The following RADIL variants were observed in gnomAD, a reference collection of about 807,000 sequenced individuals.
RADIL encodes the protein ras-associating and dilute domain-containing protein.
In RADIL, 99 loss-of-function variants were observed where a neutral mutation model predicts 97.6. That is an observed-to-expected ratio of 1.01 (90% CI 0.86 to 1.20). The LOEUF is 1.20. Among genes scored for constraint, RADIL ranks in the 50% most tolerant of loss-of-function variants. The pLI is 0.00. For synonymous variants in RADIL, 803 were observed against 691.8 expected (o/e 1.16, Z -2.52); for missense variants, 1,765 against 1,498.9 (o/e 1.18, Z -2.93).
intron 10 of RADIL, among the ~76,000 whole-genome samples, chr7:4,804,870 C>A (rs1175785868): frequency 1.3e-5 from 2 of 151,110 alleles, no homozygotes; most frequent in Non-Finnish European, 2.9e-5. Flanking sequence ...CTGAGGTGGG[C>A]GAATCACCTA....
At position 4,819,342 on chromosome 7, in the gene RADIL, G is replaced by A. The variant is rs1046527617; in HGVS notation, c.1616-1991C>T. On this transcript the variant is annotated intron_variant, in intron 6 of 14. Coordinates refer to ENST00000399583, the MANE Select transcript of RADIL (RefSeq NM_018059.5). The surrounding 1 kb of genome is among the most constrained non-coding windows in gnomAD (Gnocchi z 5.8). ...CTGCCTCGGCCTCCCAAAGTGCGGG[G>A]AGGACAGGTGTGAGCCCAGCCCTGA... Among the ~76,000 whole-genome samples the A allele has an allele frequency of 2.6e-5, 4 of 152,082 alleles. No individual in the cohort carries two copies. The highest frequency in any genetic ancestry group is 9.7e-5 in the African/African-American group (4 of 41,414).
At position 4,878,162 on chromosome 7, in the gene RADIL, A is replaced by G. The variant is rs1474185208; in HGVS notation, c.-23T>C. The G allele has an allele frequency of 6.6e-7, 1 of 1,507,904 alleles. No homozygotes were observed. The allele number at this position is 1,507,904 out of a possible 1,614,324, so 93.4% of individuals were successfully genotyped here. ...CATGGTGGGTGAGGCTTCATGGATG[A>G]GGACTGTGGGCTTCAGCCAAAGGAT... is the stretch of plus-strand genomic sequence containing the variant. On this transcript the variant is annotated 5_prime_UTR_variant, in exon 2 of 15. Transcript: ENST00000399583. The surrounding 1 kb of genome is among the most constrained non-coding windows in gnomAD (Gnocchi z 4.1).
chr7:4,861,521 T>C, intron 2 of RADIL: 1 of 1,614,066 alleles, frequency 6.2e-7, no homozygotes, highest in Non-Finnish European at 8.5e-7. Flanking sequence ...CGTAAAAATC[T>C]TTCCTCCAAC....
In RADIL at chr7:4,842,933, G is replaced by A. The variant is rs1301694319; in HGVS notation, c.536-6328C>T. Among the ~76,000 whole-genome samples, 2 of 151,692 alleles carry A rather than the reference G, an allele frequency of 1.3e-5. No homozygotes were observed. Among genetic ancestry groups the A allele is most frequent in the East Asian group, 1.9e-4 (1 of 5,178 alleles). ...GGTCACCATAATACCCTGCAGCCTC[G>A]AAATTCTGGCCTCAGGGCCTCAGAA... On this transcript the variant is annotated intron_variant, in intron 2 of 14. Coordinates refer to ENST00000399583, the MANE Select transcript of RADIL (RefSeq NM_018059.5). The surrounding 1 kb of genome is among the most constrained non-coding windows in gnomAD (Gnocchi z 4.5).
chr7:4,870,898 C>G (rs1159990292), intron 2 of RADIL, among the ~76,000 whole-genome samples: 1 of 152,178 alleles, frequency 6.6e-6, no homozygotes, highest in Non-Finnish European at 1.5e-5. Flanking sequence ...GGGACTCACT[C>G]AGCTCAGGGG....
In RADIL at chr7:4,837,809, G is replaced by T. The variant is rs145420264; in HGVS notation, c.536-1204C>A. 2.0e-6 allele frequency: 2 copies of T among 983,634 alleles called. No homozygotes were observed. The highest frequency in any genetic ancestry group is 2.4e-6 in the Non-Finnish European group (2 of 828,482). 60.9% of individuals were successfully genotyped at this position (983,634 alleles called of 1,614,324 possible). A position where few individuals can be genotyped will look rare whatever the true frequency, so the allele number is the denominator to read the frequency against. ...TGCTCTGGGAAAGCCAGCCGGCTGC[G>T]ATAGATGAAAACCGCTCACCAGTCC... On this transcript the variant is annotated intron_variant, in intron 2 of 14. Transcript: ENST00000399583. This position sits in a 1 kb window ranked among gnomAD's most constrained non-coding sequence, Gnocchi z 5.6.
chr7:4,856,643 T>G (rs1783839104), intron 2 of RADIL, among the ~76,000 whole-genome samples: 1 of 152,256 alleles, frequency 6.6e-6, no homozygotes, highest in Non-Finnish European at 1.5e-5. Context: ...AATTTCTAAC[T>G]TACTGTTCTG....
rs1490776743 is a variant in RADIL, at chr7:4,808,795, ACCACTGCCCCTCCGTGTCTCCTTCCGACG to A, written c.2140-3108_2140-3080del. 67 of 869,410 alleles carry A rather than the reference ACCACTGCCCCTCCGTGTCTCCTTCCGACG, an allele frequency of 7.7e-5. 2 individuals are homozygous for A. In the Admixed American group the frequency reaches 1.3e-3, roughly 17 times the overall value. 53.9% of individuals were successfully genotyped at this position (869,410 alleles called of 1,614,324 possible). ...CGACGCCACTGCCCTCCATTCCAAC[ACCACTGCCCCTCCGTGTCTCCTTCCGACG>A]CCACTGCCCCTCCGCGTCTCCTTCC... On this transcript the variant is annotated intron_variant, in intron 9 of 14. Transcript: ENST00000399583.
intron 2 of RADIL, chr7:4,861,838 G>T: frequency 7.1e-7 from 1 of 1,400,074 alleles, no homozygotes; most frequent in Non-Finnish European, 9.3e-7. Flanking sequence ...GCCAGGGCAC[G>T]TCCCCCACCA....
chr7:4,810,198 C>G (rs1203208087), intron 9 of RADIL, among the ~76,000 whole-genome samples: 1 of 152,142 alleles, frequency 6.6e-6, no homozygotes, highest in African/African-American at 2.4e-5. Context: ...GGGTCTTACT[C>G]TGTCACCCAG....
Position 4,835,485 on chromosome 7 carries a change from G to C in RADIL, c.784-246C>G, listed in dbSNP as rs1260231132. ...ACACGAGAGACCCAGGAGACACCCA[G>C]CTTTGAGACAGCGACAGGCCAGGTC... is the stretch of plus-strand genomic sequence containing the variant. On this transcript the variant is annotated intron_variant, in intron 3 of 14. Coordinates refer to ENST00000399583, the MANE Select transcript of RADIL (RefSeq NM_018059.5). This position sits in a 1 kb window ranked among gnomAD's most constrained non-coding sequence, Gnocchi z 5.8. 6.6e-6 allele frequency among the ~76,000 whole-genome samples: 1 copy of C among 152,174 alleles called. No homozygotes were observed. Among genetic ancestry groups the C allele is most frequent in the African/African-American group, 2.4e-5 (1 of 41,444 alleles).
At position 4,836,424 on chromosome 7, in the gene RADIL, G is replaced by T. The variant is rs200447001; in HGVS notation, c.717C>A (p.Asp239Glu). The T allele has an allele frequency of 3.9e-4, 623 of 1,587,756 alleles. 2 individuals carry two copies. The African/African-American group carries it at 7.4e-3, about 19-fold the overall frequency. The part of the protein sequence containing the change: ...AAQGPEEPGP[D>E]AMRYSLYQSP... The stretch of plus-strand genomic sequence containing the variant: ...ACTGGTACAGCGAGTACCGCATGGC[G>T]TCGGGGCCGGGCTCCTCGGGGCCCT... Residue 239 changes from aspartate to glutamate, a missense_variant, in exon 3 of 15, where the codon GAC (aspartate) becomes GAA (glutamate). Asp to Glu is a conservative substitution (Grantham distance 45). Coordinates refer to ENST00000399583, the MANE Select transcript of RADIL (RefSeq NM_018059.5).
rs948017900 is a variant in RADIL, at chr7:4,840,566, T to G, written c.536-3961A>C. On this transcript the variant is annotated intron_variant, in intron 2 of 14. Transcript: ENST00000399583. This position sits in a 1 kb window ranked among gnomAD's most constrained non-coding sequence, Gnocchi z 5.6. Reference sequence around the variant, plus strand: ...GGGACTGCCTGATTTGGGGGTCTTATATAGGTGTGCTCTTTGCCAAGAACA... The same window carrying G: ...GGGACTGCCTGATTTGGGGGTCTTAGATAGGTGTGCTCTTTGCCAAGAACA... 6.6e-6 allele frequency among the ~76,000 whole-genome samples: 1 copy of G among 152,218 alleles called. No homozygotes were observed. Among genetic ancestry groups the G allele is most frequent in the Non-Finnish European group, 1.5e-5 (1 of 68,040 alleles).
In RADIL at chr7:4,815,364, C is replaced by A; in HGVS notation, c.2053G>T (p.Gly685Cys). ...AAGTGCTCTCCAGCCGCCCCGAAGCCGGCGCTCCGCATCCACTCCAGGAGC... is the reference window on the plus strand; with the variant it reads ...AAGTGCTCTCCAGCCGCCCCGAAGCAGGCGCTCCGCATCCACTCCAGGAGC... ...QQLLEWMRSA[G>C]FGAAGEHFFQ... Residue 685 changes from glycine to cysteine, a missense_variant, in exon 9 of 15, where the codon GGC (glycine) becomes TGC (cysteine). Gly to Cys is a radical substitution (Grantham distance 159). Transcript: ENST00000399583. The surrounding 1 kb of genome is among the most constrained non-coding windows in gnomAD (Gnocchi z 8.0). 6.4e-7 allele frequency: 1 copy of A among 1,559,840 alleles called. No homozygotes were observed. The highest frequency in any genetic ancestry group is 2.3e-5 in the East Asian group (1 of 42,614).
intron 2 of RADIL, among the ~76,000 whole-genome samples, chr7:4,853,510 G>C (rs779182375): frequency 1.3e-5 from 2 of 152,046 alleles, no homozygotes; most frequent in Non-Finnish European, 2.9e-5. Context: ...TGGGAGGCCA[G>C]GGCGGGCAGA....
chr7:4,807,684 TCTCTCCATCTC>T (rs1782367300), intron 9 of RADIL, among the ~76,000 whole-genome samples: 1 of 60,932 alleles, frequency 1.6e-5, no homozygotes, highest in Non-Finnish European at 3.2e-5. Context: ...TCCCTCTCCT[TCTCTCCATCTC>T]TCTCCCCTCC....
rs1486437034 is a variant in RADIL at position 4,813,698 on chromosome 7, T to C, written c.2139+1580A>G. ...TTTGTGGAGGCTCACTCTCTCCTCATCCTTCAGGAGCTCGCTCACGCCTTT... is the reference window on the plus strand; with the variant it reads ...TTTGTGGAGGCTCACTCTCTCCTCACCCTTCAGGAGCTCGCTCACGCCTTT... On this transcript the variant is annotated intron_variant, in intron 9 of 14. Coordinates refer to ENST00000399583, the MANE Select transcript of RADIL (RefSeq NM_018059.5). The surrounding 1 kb of genome is among the most constrained non-coding windows in gnomAD (Gnocchi z 5.0). 2.0e-5 allele frequency among the ~76,000 whole-genome samples: 3 copies of C among 152,230 alleles called. No individual in the cohort carries two copies. The East Asian group carries it at 5.8e-4, about 29-fold the overall frequency.
chr7:4,841,667 GC>G (rs1448821183), intron 2 of RADIL, among the ~76,000 whole-genome samples: 1 of 152,206 alleles, frequency 6.6e-6, no homozygotes, highest in African/African-American at 2.4e-5. Flanking sequence ...TTGGTGGGCA[GC>G]CCTGCTTCAC....
chr7:4,875,450 A>G (rs2115050969), intron 2 of RADIL, among the ~76,000 whole-genome samples: 1 of 150,822 alleles, frequency 6.6e-6, no homozygotes, highest in South Asian at 2.1e-4. Flanking sequence ...TGCAACATGC[A>G]CTCTGGCCCC....
Sources: gnomAD v4.1 joint callset for allele counts (sites outside exome capture counted in the v4.1 genomes callset) on GRCh38, gnomAD v4.1.1 for gene constraint, Gnocchi (gnomAD v3.1) non-coding constraint, MANE v1.5 for transcripts, NCBI Gene and HGNC (gene_info 2026-07-23, HGNC 2026-07-21) for gene names.